The following ROBO3 variants were observed in gnomAD, a reference collection of about 807,000 sequenced individuals.
The protein encoded by ROBO3 is roundabout guidance receptor 3, also known as roundabout homolog 3.
In ROBO3, 97 loss-of-function variants were observed where a neutral mutation model predicts 160.5. The observed-to-expected ratio is 0.60, with a 90% confidence interval of 0.51 to 0.72. The LOEUF is 0.72. Among genes scored for constraint, ROBO3 ranks in the 30% least tolerant of loss-of-function variants. The pLI is 0.00. For synonymous variants in ROBO3, 780 were observed against 746.2 expected (o/e 1.05, Z -0.74); for missense variants, 1,858 against 1,846.5 (o/e 1.01, Z -0.11).
At position 124,874,228 on chromosome 11, in the gene ROBO3, G is replaced by A. The variant is rs201985175; in HGVS notation, c.1943G>A (p.Arg648His). 379 of 1,613,096 alleles carry A rather than the reference G, an allele frequency of 2.3e-4. No individual in the cohort carries two copies. Among genetic ancestry groups the A allele is most frequent in the Middle Eastern group, 3.3e-4 (2 of 6,062 alleles). ...SEPSPVSEPV[R>H]TQDSSPSRPV... Reference sequence around the variant, plus strand: ...CCCAGCCCCGTCTCTGAGCCTGTCCGTACACAGGGTAAGGTCAGAGTCCCT... The same window carrying A: ...CCCAGCCCCGTCTCTGAGCCTGTCCATACACAGGGTAAGGTCAGAGTCCCT... Residue 648 changes from arginine to histidine, a missense_variant, in exon 12 of 28, where the codon CGT becomes CAT. Coordinates refer to ENST00000397801, the MANE Select transcript of ROBO3 (RefSeq NM_022370.4).
In ROBO3 at chr11:124,881,366, T is replaced by A; in HGVS notation, c.*116T>A. 10 of 1,030,560 alleles carry A rather than the reference T, an allele frequency of 9.7e-6. No individual in the cohort carries two copies. Among genetic ancestry groups the A allele is most frequent in the Non-Finnish European group, 1.5e-5 (10 of 681,648 alleles). 63.8% of individuals were successfully genotyped at this position (1,030,560 alleles called of 1,614,324 possible). ...CTGAAGCCCATTGGTTTCCACGATT[T>A]CAATTGGCTGAGAAGGCAGAGAGCT... On this transcript the variant is annotated 3_prime_UTR_variant, in exon 28 of 28. Transcript: ENST00000397801.
Position 124,870,238 on chromosome 11 carries a change from G to A in ROBO3, c.840G>A (p.Glu280=). ...ATGCCCCTGTGACTTTCCTATGTGA[G>A]GTGAAGGGGGATCCCCCACCTCGTC... ...LADAPVTFLC[E]VKGDPPPRLR... The change falls in exon 5 of 28, where the codon GAG becomes GAA. Residue 280 remains glutamate, a synonymous_variant. Coordinates refer to ENST00000397801, the MANE Select transcript of ROBO3 (RefSeq NM_022370.4). 1 of 1,614,034 alleles carries A rather than the reference G, an allele frequency of 6.2e-7. No individual in the cohort carries two copies. The highest frequency in any genetic ancestry group is 8.5e-7 in the Non-Finnish European group (1 of 1,179,900).
intron 4 of ROBO3, 25 bp downstream of exon 4, chr11:124,870,093 A>C (rs1946260358): frequency 6.2e-7 from 1 of 1,613,804 alleles, no homozygotes; most frequent in Non-Finnish European, 8.5e-7. Flanking sequence ...TTTTGACATT[A>C]TGGGAACAGG....
intron 7 of ROBO3, among the ~76,000 whole-genome samples, chr11:124,871,802 A>T (rs1171790873): frequency 6.6e-6 from 1 of 152,214 alleles, no homozygotes; most frequent in East Asian, 1.9e-4. Context: ...CGACAGCCAC[A>T]ATTTTCTAAC....
chr11:124,879,331 C>T lies in ROBO3; in HGVS notation c.3675C>T (p.Ser1225=), dbSNP rs757614384. The T allele has an allele frequency of 1.9e-6, 3 of 1,608,864 alleles. No homozygotes were observed. The highest frequency in any genetic ancestry group is 1.7e-6 in the Non-Finnish European group (2 of 1,176,936). The stretch of plus-strand genomic sequence containing the variant: ...CCAGTCCTGCCCCTAGCACAGCCAG[C>T]AGTGCCCCAGGTAAGTCTCTACAAC... The part of the protein sequence containing the change: ...LSPSPAPSTA[S]SAPGRTWQGN... Residue 1225 remains serine (S), a synonymous_variant, in exon 24 of 28, where the codon AGC becomes AGT. Transcript: ENST00000397801.
Position 124,880,574 on chromosome 11 carries a change from G to GC in ROBO3, c.4117dup (p.Gln1373ProfsTer25). 6.4e-7 allele frequency: 1 copy of GC among 1,552,306 alleles called. No individual in the cohort carries two copies. The highest frequency in any genetic ancestry group is 8.7e-7 in the Non-Finnish European group (1 of 1,147,628). ...AGCCGGAGTCGGAGTCAGAGCCGGA[G>GC]CCAGAGCCAAAGGCCAGGACAGAAA... On this transcript the variant is annotated frameshift_variant, in exon 27 of 28. Coordinates refer to ENST00000397801, the MANE Select transcript of ROBO3 (RefSeq NM_022370.4). LOFTEE classifies it high-confidence loss of function.
At position 124,874,192 on chromosome 11, in the gene ROBO3, G is replaced by A. The variant is rs1946318110; in HGVS notation, c.1907G>A (p.Gly636Asp). The change falls in exon 12 of 28, where the codon GGC (glycine) becomes GAC (aspartate). Residue 636 changes from glycine (G) to aspartate (D), a missense_variant. Physicochemically the swap from Gly to Asp is moderately conservative, Grantham distance 94. Coordinates refer to ENST00000397801, the MANE Select transcript of ROBO3 (RefSeq NM_022370.4). ...LFLVRAVGAW[G>D]LSEPSPVSEP... ...CTGGTTCGAGCAGTGGGAGCCTGGG[G>A]CCTCAGTGAGCCCAGCCCCGTCTCT... The A allele has an allele frequency of 6.2e-7, 1 of 1,613,820 alleles. No homozygotes were observed. The highest frequency in any genetic ancestry group is 1.3e-5 in the African/African-American group (1 of 74,890).
chr11:124,873,662 C>T lies in ROBO3; in HGVS notation c.1619-35C>T, dbSNP rs572745051. On this transcript the variant is annotated intron_variant, in intron 10 of 27. Transcript: ENST00000397801. This position sits in a 1 kb window ranked among gnomAD's most constrained non-coding sequence, Gnocchi z 4.5. ...AGGTTACACTAGGATTATCCTTTCC[C>T]TATCTTTCTACTTAAAGATTATCTC... 3 of 1,567,242 alleles carry T rather than the reference C, an allele frequency of 1.9e-6. No homozygotes were observed. In the South Asian group the frequency reaches 3.5e-5, roughly 18 times the overall value.
Position 124,875,211 on chromosome 11 carries a change from G to A in ROBO3, c.2174G>A (p.Ser725Asn), listed in dbSNP as rs1174875276. 1.9e-6 allele frequency: 3 copies of A among 1,613,724 alleles called. No homozygotes were observed. Among genetic ancestry groups the A allele is most frequent in the African/African-American group, 2.7e-5 (2 of 74,918 alleles). The change falls in exon 14 of 28, where the codon AGC becomes AAC. Residue 725 changes from serine (S) to asparagine (N), a missense_variant. Physicochemically the swap from Ser to Asn is conservative, Grantham distance 46. Coordinates refer to ENST00000397801, the MANE Select transcript of ROBO3 (RefSeq NM_022370.4). ...ACAATGTTGGACCTACAGTCCCCAA[G>A]CCAGCAAAGTACTGTGCTAAGAGGA... is the stretch of plus-strand genomic sequence containing the variant. ...SWTMLDLQSP[S>N]QQSTVLRGLP...
rs964059856 is a variant in ROBO3 at position 124,876,834 on chromosome 11, G to A, written c.2780-327G>A. ...ATCCCAGGCAGTAAATTGTGCGGCG[G>A]GGTCTGGATGGAAAGGCGGGGCCCG... On this transcript the variant is annotated intron_variant, in intron 17 of 27. Coordinates refer to ENST00000397801, the MANE Select transcript of ROBO3 (RefSeq NM_022370.4). The surrounding 1 kb of genome is among the most constrained non-coding windows in gnomAD (Gnocchi z 5.3). The A allele has an allele frequency of 1.8e-4, 99 of 550,848 alleles. No individual in the cohort carries two copies. Among genetic ancestry groups the A allele is most frequent in the Admixed American group, 5.4e-4 (17 of 31,214 alleles). The allele number at this position is 550,848 out of a possible 1,614,324, so 34.1% of individuals were successfully genotyped here.
Position 124,875,324 on chromosome 11 carries a change from A to G in ROBO3, c.2287A>G (p.Ile763Val), listed in dbSNP as rs1378190602. 1.3e-6 allele frequency: 2 copies of G among 1,494,814 alleles called. No individual in the cohort carries two copies. Among genetic ancestry groups the G allele is most frequent in the Admixed American group, 1.8e-5 (1 of 55,750 alleles). The allele number at this position is 1,494,814 out of a possible 1,614,324, so 92.6% of individuals were successfully genotyped here. ...TGAAAGCCTCTCTGTGACCAGGAGCATTCCTGAGGAGGGTAAGGAGGGCCA... is the reference window on the plus strand; with the variant it reads ...TGAAAGCCTCTCTGTGACCAGGAGCGTTCCTGAGGAGGGTAAGGAGGGCCA... ...GAESLSVTRS[I>V]PEEAPSGPPQ... The change falls in exon 14 of 28, where the codon ATT (isoleucine) becomes GTT (valine). Residue 763 changes from isoleucine (I) to valine (V), a missense_variant. Coordinates refer to ENST00000397801, the MANE Select transcript of ROBO3 (RefSeq NM_022370.4).
At chr11:124,880,347 G>T (rs1401621299) in intron 26 of ROBO3, 71 bp from the exon 27 acceptor site, 3 of 1,582,174 alleles carry the variant, frequency 1.9e-6, no homozygotes, top group Non-Finnish European at 2.6e-6. Context: ...TGTGGTCAGG[G>T]TGGCAGGGTG....
At chr11:124,875,394 G>A (rs1210992805) in intron 14 of ROBO3, 58 bp downstream of exon 14, 3 of 1,508,038 alleles carry the variant, frequency 2.0e-6, no homozygotes, top group Middle Eastern at 2.2e-4. Flanking sequence ...TGGGGGTGGA[G>A]GTGGAGGGGG....
rs1335972456 is a variant in ROBO3, at chr11:124,873,964, T to A, written c.1784+102T>A. On this transcript the variant is annotated intron_variant, in intron 11 of 27. Transcript: ENST00000397801. This position sits in a 1 kb window ranked among gnomAD's most constrained non-coding sequence, Gnocchi z 4.5. The stretch of plus-strand genomic sequence containing the variant: ...TGAGGTGGGATTCTCCAGTACCCTC[T>A]TGCAAGGGGAAGACATAATGGTCGT... 1 of 1,580,956 alleles carries A rather than the reference T, an allele frequency of 6.3e-7. No homozygotes were observed. Among genetic ancestry groups the A allele is most frequent in the Non-Finnish European group, 8.7e-7 (1 of 1,154,020 alleles).
chr11:124,866,492 G>A (rs890202270), intron 1 of ROBO3, among the ~76,000 whole-genome samples: 20 of 152,222 alleles, frequency 1.3e-4, no homozygotes, highest in Admixed American at 1.2e-3. Flanking sequence ...CCGCTTTACC[G>A]GGCGCTTTCG....
At position 124,868,925 on chromosome 11, in the gene ROBO3, T is replaced by A; in HGVS notation, c.284T>A (p.Ile95Asn). The A allele has an allele frequency of 6.2e-7, 1 of 1,607,856 alleles. No homozygotes were observed. The highest frequency in any genetic ancestry group is 8.5e-7 in the Non-Finnish European group (1 of 1,177,826). Residue 95 changes from isoleucine (I) to asparagine (N), a missense_variant, in exon 2 of 28, where the codon ATT (isoleucine) becomes AAT (asparagine). Coordinates refer to ENST00000397801, the MANE Select transcript of ROBO3 (RefSeq NM_022370.4). ...GCTGAAGGCCGACCCCGACCCAACA[T>A]TGAGTGGTACAAGAACGGGGCGCGT... ...CRAEGRPRPNIEWYKNGARVA... is the reference protein window; with the variant it reads ...CRAEGRPRPNNEWYKNGARVA...
In ROBO3 at chr11:124,869,178, C is replaced by T; in HGVS notation, c.487+50C>T. 2 of 1,481,860 alleles carry T rather than the reference C, an allele frequency of 1.3e-6. No individual in the cohort carries two copies. Among genetic ancestry groups the T allele is most frequent in the Middle Eastern group, 2.0e-4 (1 of 4,940 alleles). The allele number at this position is 1,481,860 out of a possible 1,614,324, so 91.8% of individuals were successfully genotyped here. Reference sequence around the variant, plus strand: ...GGTTGCTTCCAGAGCCTGGGGTAGGCGGGAGGGCACTGGGCAATCAGACCC... The same window carrying T: ...GGTTGCTTCCAGAGCCTGGGGTAGGTGGGAGGGCACTGGGCAATCAGACCC... On this transcript the variant is annotated intron_variant, in intron 2 of 27. Coordinates refer to ENST00000397801, the MANE Select transcript of ROBO3 (RefSeq NM_022370.4). The surrounding 1 kb of genome is among the most constrained non-coding windows in gnomAD (Gnocchi z 4.2).
chr11:124,880,624 T>A lies in ROBO3; in HGVS notation c.4149+16T>A. On this transcript the variant is annotated intron_variant, in intron 27 of 27. Transcript: ENST00000397801. ...ACGCCGAGAGGTAGGGGCCATAGAT[T>A]GCAGAAAAATGAGGGCAGAGGACTA... 7 of 1,516,642 alleles carry A rather than the reference T, an allele frequency of 4.6e-6. No individual in the cohort carries two copies. Among genetic ancestry groups the A allele is most frequent in the South Asian group, 1.2e-5 (1 of 80,292 alleles). 93.9% of individuals were successfully genotyped at this position (1,516,642 alleles called of 1,614,324 possible). A position where few individuals can be genotyped will look rare whatever the true frequency, so the allele number is the denominator to read the frequency against.
At chr11:124,868,105 TCAGGAA>T (rs1946226042) in intron 1 of ROBO3, among the ~76,000 whole-genome samples, 1 of 152,170 alleles carries the variant, frequency 6.6e-6, no homozygotes, top group Non-Finnish European at 1.5e-5. Context: ...TATGCACCTG[TCAGGAA>T]AAGGAGCCTT....
Sources: gnomAD v4.1 joint callset for allele counts (sites outside exome capture counted in the v4.1 genomes callset) on GRCh38, gnomAD v4.1.1 for gene constraint, Gnocchi (gnomAD v3.1) non-coding constraint, MANE v1.5 for transcripts, NCBI Gene and HGNC (gene_info 2026-07-23, HGNC 2026-07-21) for gene names.